MAP3K12: variants seen among roughly 807,000 people sequenced by gnomAD.
The protein encoded by MAP3K12 is mitogen-activated protein kinase kinase kinase 12, also known as MAPK-upstream kinase.
Under a neutral mutation model 87.5 loss-of-function variants are expected in MAP3K12, and 14 were observed. The observed-to-expected ratio is 0.16, with a 90% CI of 0.11 to 0.25. The LOEUF is 0.25. Among genes scored for constraint, MAP3K12 ranks in the 10% least tolerant of loss-of-function variants. The pLI is 1.00. For missense variants in MAP3K12, 802 were observed against 1,140.4 expected, an observed-to-expected ratio of 0.70 and a Z score of 4.27; for synonymous variants, 469 against 452.5, an observed-to-expected ratio of 1.04 and a Z score of -0.46.
upstream of MAP3K12, chr12:53,501,267 G>T (rs1419525542): frequency 1.2e-6 from 1 of 825,470 alleles, no homozygotes; most frequent in East Asian, 2.7e-5. Flanking sequence ...AGGGTGGGCG[G>T]GGGACTCCAT....
upstream of MAP3K12, chr12:53,501,421 G>A (rs1425088611): frequency 6.4e-7 from 1 of 1,567,194 alleles, no homozygotes; most frequent in South Asian, 1.2e-5. Context: ...GAGTGAAGAG[G>A]AGCAAGGCTC....
intron 1 of MAP3K12, among the ~76,000 whole-genome samples, chr12:53,488,428 G>A (rs1460381557): frequency 4.6e-5 from 7 of 152,196 alleles, no homozygotes; most frequent in African/African-American, 1.7e-4. Context: ...TTCAGAGGCC[G>A]AGGCGGGCGG....
chr12:53,493,207 C>G (rs1417972587), intron 1 of MAP3K12: 1 of 152,202 alleles, frequency 6.6e-6, no homozygotes, highest in Non-Finnish European at 1.5e-5. Flanking sequence ...ATCACGTGAG[C>G]GCGACGTGGG....
In MAP3K12 at chr12:53,494,443, A is replaced by G. The variant is rs961259025; in HGVS notation, c.-38+4984T>C. ...TTGCTGGTGGCCCCAAAGTGACTCCATAAGGAGGCTACAGGGTAGAGTGGG... is the reference window on the plus strand; with the variant it reads ...TTGCTGGTGGCCCCAAAGTGACTCCGTAAGGAGGCTACAGGGTAGAGTGGG... On this transcript the variant is annotated intron_variant, in intron 1 of 13. Transcript: ENST00000547488. Among the ~76,000 whole-genome samples, 3 of 152,362 alleles carry G rather than the reference A, an allele frequency of 2.0e-5. No homozygotes were observed. In the South Asian group the frequency reaches 6.2e-4, roughly 32 times the overall value.
In MAP3K12 at chr12:53,486,800, C is replaced by A; in HGVS notation, c.445+147G>T. The A allele has an allele frequency of 6.0e-6, 9 of 1,488,042 alleles. No individual in the cohort carries two copies. The highest frequency in any genetic ancestry group is 8.0e-6 in the Non-Finnish European group (9 of 1,123,882). 92.2% of individuals were successfully genotyped at this position (1,488,042 alleles called of 1,614,324 possible). A position where few individuals can be genotyped will look rare whatever the true frequency, so the allele number is the denominator to read the frequency against. ...AATGAATGGGTGGCCTTAAAAGAAG[C>A]TGGGAAGTTAGAGGCTGATGGATGG... On this transcript the variant is annotated intron_variant, in intron 2 of 13. Coordinates refer to ENST00000547488, the MANE Select transcript of MAP3K12 (RefSeq NM_001193511.2). The surrounding 1 kb of genome is among the most constrained non-coding windows in gnomAD (Gnocchi z 4.9).
In MAP3K12 at chr12:53,480,842, G is replaced by GCCCCTCCCCCCA. The variant is rs1943003895; in HGVS notation, c.*328_*339dup. Reference sequence around the variant, plus strand: ...GGTTTTCTCTCCTGCCCCTCCCACCGCCCCTCCCCCCACCCCCTATTATTT... The same window carrying GCCCCTCCCCCCA: ...GGTTTTCTCTCCTGCCCCTCCCACCGCCCCTCCCCCCACCCCTCCCCCCACCCCCTATTATTT... On this transcript the variant is annotated 3_prime_UTR_variant, in exon 14 of 14. Transcript: ENST00000547488. 2 of 143,800 alleles carry GCCCCTCCCCCCA rather than the reference G, an allele frequency of 1.4e-5. No individual in the cohort carries two copies. The highest frequency in any genetic ancestry group is 5.1e-5 in the African/African-American group (2 of 39,514). 8.9% of individuals were successfully genotyped at this position (143,800 alleles called of 1,614,324 possible). A position where few individuals can be genotyped will look rare whatever the true frequency, so the allele number is the denominator to read the frequency against.
At chr12:53,484,192 C>G (rs1943161669) in intron 7 of MAP3K12, 65 bp downstream of exon 7, 1 of 1,488,028 alleles carries the variant, frequency 6.7e-7, no homozygotes, top group Non-Finnish European at 9.3e-7. Context: ...CCAGCCTCCC[C>G]CTCAAATAGC....
intron 1 of MAP3K12, among the ~76,000 whole-genome samples, chr12:53,490,918 A>G (rs1042833128): frequency 5.3e-5 from 8 of 152,050 alleles, no homozygotes; most frequent in Non-Finnish European, 2.9e-5. Flanking sequence ...CACAAAAGAA[A>G]AAACAACCAC....
Position 53,485,132 on chromosome 12 carries a change from C to T in MAP3K12, c.1063G>A (p.Val355Met). The change falls in exon 6 of 14, where the codon GTG becomes ATG. Residue 355 changes from valine to methionine, a missense_variant. Around this residue, in one of 5 missense-constraint regions of MAP3K12, gnomAD observed 99 missense variants for 193.4 expected, o/e 0.51. Transcript: ENST00000547488. ...DVDSSAIIWG[V>M]GSNSLHLPVP... ...GGCAGATGGAGACTGTTGCTTCCCA[C>T]ACCCCAGATAATGGCTGAGGAATCT... 1 of 1,614,220 alleles carries T rather than the reference C, an allele frequency of 6.2e-7. No individual in the cohort carries two copies. Among genetic ancestry groups the T allele is most frequent in the Non-Finnish European group, 8.5e-7 (1 of 1,180,048 alleles).
chr12:53,490,285 C>G (rs1943364054), intron 1 of MAP3K12, among the ~76,000 whole-genome samples: 2 of 151,882 alleles, frequency 1.3e-5, no homozygotes, highest in South Asian at 2.1e-4. Context: ...GCCTGGGTGA[C>G]AGAACAAGAC....
chr12:53,487,176 G>A lies in MAP3K12; in HGVS notation c.216C>T (p.Pro72=), dbSNP rs1943250250. 6.2e-7 allele frequency: 1 copy of A among 1,613,936 alleles called. No individual in the cohort carries two copies. The highest frequency in any genetic ancestry group is 1.7e-5 in the Admixed American group (1 of 59,998). The change falls in exon 2 of 14, where the codon CCC becomes CCT. Residue 72 remains proline (P), a synonymous_variant. Transcript: ENST00000547488. The part of the protein sequence containing the change: ...GPSPSPGGEP[P]PEPFANSVLQ... The stretch of plus-strand genomic sequence containing the variant: ...GGACACTGTTGGCAAAAGGCTCAGG[G>A]GGCGGCTCTCCACCTGGGGAGGGGC...
chr12:53,501,431 C>G (rs1403788459), upstream of MAP3K12: 1 of 1,568,590 alleles, frequency 6.4e-7, no homozygotes, highest in Non-Finnish European at 8.6e-7. Flanking sequence ...GAGCAAGGCT[C>G]CGGCACTACC....
intron 6 of MAP3K12, chr12:53,484,843 C>T (rs927068348): frequency 6.6e-6 from 4 of 607,564 alleles, no homozygotes; most frequent in African/African-American, 3.7e-5. Flanking sequence ...ATGCAGATAT[C>T]GTTAAGTGTA....
At position 53,483,599 on chromosome 12, in the gene MAP3K12, A is replaced by G. The variant is rs757703731; in HGVS notation, c.1475+8T>C. Reference sequence around the variant, plus strand: ...CAGGGCTTGGTGCATAAGGACAGGTAGGGTTACCTGAGCAGCTCCCTCTCC... The same window carrying G: ...CAGGGCTTGGTGCATAAGGACAGGTGGGGTTACCTGAGCAGCTCCCTCTCC... On this transcript the variant is annotated splice_region_variant and intron_variant, in intron 9 of 13. Coordinates refer to ENST00000547488, the MANE Select transcript of MAP3K12 (RefSeq NM_001193511.2). 1 of 1,613,974 alleles carries G rather than the reference A, an allele frequency of 6.2e-7. No individual in the cohort carries two copies. The highest frequency in any genetic ancestry group is 8.5e-7 in the Non-Finnish European group (1 of 1,179,920).
rs1186732418 is a variant in MAP3K12, at chr12:53,480,086, G to A, written c.*1096C>T. ...AGGACTTACCTGTCCTAGGGGAGTA[G>A]GCAAGCACTTCCACTAGGGAGGGGG... On this transcript the variant is annotated 3_prime_UTR_variant, in exon 14 of 14. Coordinates refer to ENST00000547488, the MANE Select transcript of MAP3K12 (RefSeq NM_001193511.2). The A allele has an allele frequency of 6.6e-6, 1 of 152,016 alleles. No individual in the cohort carries two copies. The highest frequency in any genetic ancestry group is 6.6e-5 in the Admixed American group (1 of 15,248). 9.4% of individuals were successfully genotyped at this position (152,016 alleles called of 1,614,324 possible). A position where few individuals can be genotyped will look rare whatever the true frequency, so the allele number is the denominator to read the frequency against.
In MAP3K12 at chr12:53,482,220, TGAA is replaced by T. The variant is rs1943075047; in HGVS notation, c.2310-12_2310-10del. ...TCAGGCTCTGAGGCCACCTACATGT[TGAA>T]GAGGGGGATTACAGCTTGGTTCTGC... On this transcript the variant is annotated splice_polypyrimidine_tract_variant and intron_variant, in intron 12 of 13. Transcript: ENST00000547488. 3 of 1,613,994 alleles carry T rather than the reference TGAA, an allele frequency of 1.9e-6. No individual in the cohort carries two copies. Among genetic ancestry groups the T allele is most frequent in the South Asian group, 2.2e-5 (2 of 91,082 alleles).
upstream of MAP3K12, chr12:53,501,120 A>C: frequency 1.9e-6 from 1 of 513,688 alleles, no homozygotes; most frequent in East Asian, 3.5e-5. Flanking sequence ...TATTACAAAC[A>C]AAAAAATACG....
chr12:53,483,881 A>G, intron 8 of MAP3K12, 30 bp downstream of exon 8: 1 of 1,612,668 alleles, frequency 6.2e-7, no homozygotes, highest in South Asian at 1.1e-5. Context: ...TGCTGTTAGT[A>G]AAATCACCTC....
chr12:53,501,166 T>C, upstream of MAP3K12: 1 of 560,994 alleles, frequency 1.8e-6, no homozygotes, highest in South Asian at 2.2e-5. Flanking sequence ...GGCCCGCTCC[T>C]CCCAGAAGGC....
Sources: allele counts gnomAD v4.1 joint callset (sites outside exome capture counted in the v4.1 genomes callset), GRCh38; gene constraint gnomAD v4.1.1; regional missense constraint gnomAD v4.1.1; non-coding constraint Gnocchi (gnomAD v3.1); transcripts MANE v1.5; gene names NCBI Gene and HGNC (gene_info 2026-07-23, HGNC 2026-07-21).